SLC9A9: variants seen among roughly 807,000 people sequenced by gnomAD.
SLC9A9 encodes sodium/hydrogen exchanger 9.
SLC9A9 carries 62 observed loss-of-function variants against 77.8 expected under a neutral mutation model. That is an observed-to-expected ratio of 0.80 (90% CI 0.65 to 0.98). The LOEUF (loss-of-function observed/expected upper bound fraction) is 0.98. Among genes scored for constraint, SLC9A9 ranks in the 50% least tolerant of loss-of-function variants. The probability of loss-of-function intolerance (pLI) is 0.00; values close to 1 mark genes in which losing one functional copy is unlikely to be tolerated. For synonymous variants in SLC9A9, 320 were observed against 283.5 expected (o/e 1.13, Z -1.29); for missense variants, 775 against 774.9 (o/e 1.00, Z 0.00).
intron 2 of SLC9A9, among the ~76,000 whole-genome samples, chr3:143,806,782 C>T (rs923300646): frequency 1.3e-5 from 2 of 151,018 alleles, no homozygotes; most frequent in African/African-American, 4.9e-5. Flanking sequence ...AACATAGTTA[C>T]ATAGAATGAA....
At chr3:143,761,138 T>C (rs1347487456) in intron 4 of SLC9A9, among the ~76,000 whole-genome samples, 1 of 152,190 alleles carries the variant, frequency 6.6e-6, no homozygotes, top group Non-Finnish European at 1.5e-5. Context: ...TGGCTAGCCA[T>C]ATGTAGAAAG....
intron 9 of SLC9A9, among the ~76,000 whole-genome samples, chr3:143,524,555 A>AT (rs939505491): frequency 6.6e-6 from 1 of 152,100 alleles, no homozygotes; most frequent in Admixed American, 6.6e-5. Flanking sequence ...GCTTATGCAT[A>AT]TTTTTTTGAA....
At chr3:143,711,650 AAG>A (rs1934198754) in intron 4 of SLC9A9, among the ~76,000 whole-genome samples, 2 of 151,278 alleles carry the variant, frequency 1.3e-5, no homozygotes, top group Non-Finnish European at 2.9e-5. Flanking sequence ...TCCTAGGCTC[AAG>A]TGACCCTTCC....
chr3:143,532,883 GC>G (rs1469471953), intron 9 of SLC9A9, among the ~76,000 whole-genome samples: 1 of 152,122 alleles, frequency 6.6e-6, no homozygotes, highest in Non-Finnish European at 1.5e-5. Context: ...TCTTGCCAAC[GC>G]CTTTTGCCTG....
chr3:143,497,863 T>C (rs1199674720), intron 9 of SLC9A9, among the ~76,000 whole-genome samples: 1 of 152,202 alleles, frequency 6.6e-6, no homozygotes, highest in Non-Finnish European at 1.5e-5. Flanking sequence ...AATAAGAAAG[T>C]CTGTTACCTT....
chr3:143,524,928 C>T (rs969351384), intron 9 of SLC9A9, among the ~76,000 whole-genome samples: 1 of 152,184 alleles, frequency 6.6e-6, no homozygotes, highest in African/African-American at 2.4e-5. Flanking sequence ...TAGCATGAAG[C>T]CCACATCAGA....
At chr3:143,468,155 G>C (rs565779537) in intron 11 of SLC9A9, among the ~76,000 whole-genome samples, 2 of 152,164 alleles carry the variant, frequency 1.3e-5, no homozygotes, top group African/African-American at 2.4e-5. Flanking sequence ...TTGTGTGAAC[G>C]TAAGTTTTCA....
At chr3:143,822,292 C>T (rs1344322142) in intron 2 of SLC9A9, among the ~76,000 whole-genome samples, 1 of 152,208 alleles carries the variant, frequency 6.6e-6, no homozygotes, top group East Asian at 1.9e-4. Flanking sequence ...CTACACACTA[C>T]CTGAGGGTCC....
intron 2 of SLC9A9, among the ~76,000 whole-genome samples, chr3:143,815,618 C>A (rs754216323): frequency 7.2e-5 from 11 of 152,094 alleles, no homozygotes; most frequent in Non-Finnish European, 1.6e-4. Context: ...GTAATCCCAG[C>A]TCTTTGGGAG....
At chr3:143,304,675 G>A (rs916182152) in intron 14 of SLC9A9, among the ~76,000 whole-genome samples, 1 of 152,178 alleles carries the variant, frequency 6.6e-6, no homozygotes, top group Non-Finnish European at 1.5e-5. Context: ...TGCTGATAAG[G>A]CTGATTCTCT....
chr3:143,503,677 C>A (rs76959913), intron 9 of SLC9A9: 24,315 of 413,988 alleles, frequency 0.059, 870 homozygotes, highest in Middle Eastern at 0.099. Flanking sequence ...GAGAGTCCTG[C>A]AGCCATCACA....
At chr3:143,550,985 C>T (rs767577371) in intron 9 of SLC9A9, among the ~76,000 whole-genome samples, 1 of 152,162 alleles carries the variant, frequency 6.6e-6, no homozygotes, top group Non-Finnish European at 1.5e-5. Context: ...TACTTGGAAA[C>T]GGAGTCATTG....
intron 12 of SLC9A9, among the ~76,000 whole-genome samples, chr3:143,409,890 GAGA>G (rs969559784): frequency 9.2e-5 from 14 of 152,316 alleles, no homozygotes; most frequent in Middle Eastern, 3.4e-3. Context: ...GGAACAGCAG[GAGA>G]AGAAGGACAA....
chr3:143,441,099 A>G (rs1048303727), intron 12 of SLC9A9, among the ~76,000 whole-genome samples: 21 of 152,006 alleles, frequency 1.4e-4, no homozygotes, highest in Admixed American at 1.2e-3. Context: ...CTTTCATCAA[A>G]ACTTACCCAT....
intron 4 of SLC9A9, among the ~76,000 whole-genome samples, chr3:143,726,037 A>T (rs1934641763): frequency 6.6e-6 from 1 of 152,044 alleles, no homozygotes; most frequent in South Asian, 2.1e-4. Flanking sequence ...GGTGAAATGT[A>T]TATTTACTGT....
At chr3:143,780,966 C>G (rs922526205) in intron 4 of SLC9A9, among the ~76,000 whole-genome samples, 1 of 152,066 alleles carries the variant, frequency 6.6e-6, no homozygotes. Flanking sequence ...AAAAATTAAG[C>G]AGAAAGTACT....
chr3:143,431,430 A>T (rs1028099129), intron 12 of SLC9A9, among the ~76,000 whole-genome samples: 2 of 151,406 alleles, frequency 1.3e-5, no homozygotes, highest in Admixed American at 1.3e-4. Context: ...AGTTCTTTCA[A>T]ATTGCCAGTT....
intron 4 of SLC9A9, among the ~76,000 whole-genome samples, chr3:143,733,751 T>C (rs1045170792): frequency 2.6e-5 from 4 of 151,966 alleles, no homozygotes; most frequent in African/African-American, 9.7e-5. Context: ...GTATCCAGGA[T>C]GTAGATCTAG....
chr3:143,547,118 GT>G (rs981984683), intron 9 of SLC9A9, among the ~76,000 whole-genome samples: 7 of 152,066 alleles, frequency 4.6e-5, no homozygotes, highest in Non-Finnish European at 5.9e-5. Context: ...TTTCCCTAAT[GT>G]TTATTACCTT....
Sources: allele counts gnomAD v4.1 joint callset (sites outside exome capture counted in the v4.1 genomes callset), GRCh38; gene constraint gnomAD v4.1.1; transcripts MANE v1.5; gene names NCBI Gene and HGNC (gene_info 2026-07-23, HGNC 2026-07-21).